SDK1: variants seen among roughly 807,000 people sequenced by gnomAD.
The protein encoded by SDK1 is sidekick cell adhesion molecule 1.
In SDK1, 157 loss-of-function variants were observed where a neutral mutation model predicts 245.5. The ratio of observed to expected loss-of-function variants is 0.64; its 90% CI spans 0.56 to 0.73. The LOEUF (loss-of-function observed/expected upper bound fraction) is 0.73. SDK1 is among the 30% of genes least tolerant of loss of function. The pLI is 0.00. For synonymous variants in SDK1, 1,647 were observed against 1,278.5 expected (o/e 1.29, Z -6.15); for missense variants, 3,583 against 3,002.3 (o/e 1.19, Z -4.52).
intron 1 of SDK1, among the ~76,000 whole-genome samples, chr7:3,432,111 GT>G (rs917820615): frequency 1.7e-4 from 15 of 88,070 alleles, no homozygotes; most frequent in African/African-American, 5.6e-4. Flanking sequence ...GCAGGCTGCA[GT>G]AAAAAAAAAA....
At chr7:3,669,720 T>C (rs1365102958) in intron 4 of SDK1, among the ~76,000 whole-genome samples, 2 of 152,204 alleles carry the variant, frequency 1.3e-5, no homozygotes, top group South Asian at 4.1e-4. Context: ...CTATAGCACT[T>C]GCAGATGACT....
intron 1 of SDK1, among the ~76,000 whole-genome samples, chr7:3,346,701 T>TTGTG (rs1173051488): frequency 1.5e-5 from 2 of 129,616 alleles, no homozygotes; most frequent in African/African-American, 3.2e-5. Context: ...GTATGTGTGT[T>TTGTG]TGTGTGTGTG....
intron 5 of SDK1, among the ~76,000 whole-genome samples, chr7:3,876,620 A>G (rs1254463484): frequency 6.6e-6 from 1 of 152,258 alleles, no homozygotes; most frequent in Non-Finnish European, 1.5e-5. Context: ...AAGATATTGA[A>G]AATTACATTT....
At chr7:3,795,693 A>T (rs1778945463) in intron 4 of SDK1, among the ~76,000 whole-genome samples, 1 of 152,168 alleles carries the variant, frequency 6.6e-6, no homozygotes, top group South Asian at 2.1e-4. Context: ...GATTGAGGAC[A>T]GATACCTGAC....
chr7:3,757,596 G>A (rs949274148), intron 4 of SDK1, among the ~76,000 whole-genome samples: 3 of 152,096 alleles, frequency 2.0e-5, no homozygotes, highest in African/African-American at 4.8e-5. Context: ...CAGGAATAGC[G>A]AAATTGAGGA....
At chr7:4,079,226 A>G (rs1379294641) in intron 21 of SDK1, among the ~76,000 whole-genome samples, 2 of 152,216 alleles carry the variant, frequency 1.3e-5, no homozygotes, top group Non-Finnish European at 2.9e-5. Flanking sequence ...CAGGGAGGCC[A>G]TGTTAGCGAC....
intron 8 of SDK1, among the ~76,000 whole-genome samples, chr7:3,960,582 AC>A (rs1184900643): frequency 6.6e-6 from 1 of 151,466 alleles, no homozygotes; most frequent in Non-Finnish European, 1.5e-5. Context: ...CTGCCCACAG[AC>A]CCCCTCCCGA....
chr7:3,689,909 T>C (rs1377183406), intron 4 of SDK1, among the ~76,000 whole-genome samples: 6 of 152,262 alleles, frequency 3.9e-5, no homozygotes, highest in African/African-American at 1.2e-4. Flanking sequence ...AGAACATGTG[T>C]GTCTATTGCA....
At chr7:4,139,705 ATG>A (rs368036304) in intron 28 of SDK1, among the ~76,000 whole-genome samples, 13,193 of 111,740 alleles carry the variant, frequency 0.12, 3,375 homozygotes, top group African/African-American at 0.33. Flanking sequence ...GTGTGTGTGT[ATG>A]TGTGTGTGTG....
chr7:4,230,889 C>A (rs890822449), intron 40 of SDK1, among the ~76,000 whole-genome samples: 2 of 152,168 alleles, frequency 1.3e-5, no homozygotes, highest in Non-Finnish European at 2.9e-5. Flanking sequence ...CCTCCATCCC[C>A]TGTCCACAGG....
chr7:3,620,829 T>C (rs1171354808), intron 2 of SDK1, among the ~76,000 whole-genome samples: 1 of 152,046 alleles, frequency 6.6e-6, no homozygotes, highest in Non-Finnish European at 1.5e-5. Context: ...CCCATTCCCA[T>C]TACCCACCCA....
At chr7:3,901,341 C>G (rs1248780422) in intron 5 of SDK1, among the ~76,000 whole-genome samples, 1 of 152,138 alleles carries the variant, frequency 6.6e-6, no homozygotes, top group Non-Finnish European at 1.5e-5. Context: ...CATGTGCCAC[C>G]ACGCCCGGTT....
chr7:4,259,256 C>T (rs1303910206), intron 44 of SDK1, among the ~76,000 whole-genome samples: 4 of 152,022 alleles, frequency 2.6e-5, no homozygotes, highest in Non-Finnish European at 4.4e-5. Flanking sequence ...CTGGCCAACA[C>T]GGTGAAACCC....
intron 1 of SDK1, among the ~76,000 whole-genome samples, chr7:3,603,811 C>G (rs182501751): frequency 5.3e-5 from 8 of 152,146 alleles, no homozygotes; most frequent in Non-Finnish European, 1.0e-4. Flanking sequence ...ATGATATTGG[C>G]TGTGGGTTTG....
intron 10 of SDK1, among the ~76,000 whole-genome samples, chr7:3,968,062 G>A (rs1042216127): frequency 6.6e-6 from 1 of 152,254 alleles, no homozygotes. Flanking sequence ...GCCTTACCGT[G>A]TCAAGGACTG....
intron 4 of SDK1, among the ~76,000 whole-genome samples, chr7:3,785,753 G>T (rs1399541436): frequency 6.6e-6 from 1 of 150,682 alleles, no homozygotes; most frequent in Non-Finnish European, 1.5e-5. Flanking sequence ...AGCTCAGATT[G>T]TGAGTGTGAG....
intron 1 of SDK1, among the ~76,000 whole-genome samples, chr7:3,481,018 C>G (rs773538710): frequency 6.6e-6 from 1 of 152,020 alleles, no homozygotes; most frequent in Non-Finnish European, 1.5e-5. Flanking sequence ...AATTTTTTAC[C>G]TATTCTGACA....
intron 1 of SDK1, among the ~76,000 whole-genome samples, chr7:3,351,039 T>C (rs893314341): frequency 5.3e-5 from 8 of 152,190 alleles, no homozygotes; most frequent in African/African-American, 1.9e-4. Context: ...TGTGATAATA[T>C]ATCTTAGTTT....
At position 4,267,268 on chromosome 7, in the gene SDK1, C is replaced by T; in HGVS notation, c.*1884C>T. The T allele has an allele frequency of 1.9e-6, 1 of 527,892 alleles. No homozygotes were observed. The highest frequency in any genetic ancestry group is 2.4e-6 in the Non-Finnish European group (1 of 414,292). The allele number at this position is 527,892 out of a possible 1,614,324, so 32.7% of individuals were successfully genotyped here. On this transcript the variant is annotated 3_prime_UTR_variant, in exon 45 of 45. Coordinates refer to ENST00000404826, the MANE Select transcript of SDK1 (RefSeq NM_152744.4). The stretch of plus-strand genomic sequence containing the variant: ...TTCCTCCCTCCCTCCCTCCTTCCCT[C>T]CCTTCCTTCCTCTCTTTCCTCCTTC...
Sources: gnomAD v4.1 joint callset for allele counts (sites outside exome capture counted in the v4.1 genomes callset) on GRCh38, gnomAD v4.1.1 for gene constraint, MANE v1.5 for transcripts, NCBI Gene and HGNC (gene_info 2026-07-23, HGNC 2026-07-21) for gene names.